CPT1A: variants seen among roughly 807,000 people sequenced by gnomAD.
CPT1A encodes carnitine O-palmitoyltransferase 1, liver isoform.
CPT1A carries 64 observed loss-of-function variants against 100.8 expected under a neutral mutation model. The observed-to-expected ratio is 0.63, with a 90% CI of 0.52 to 0.78. The LOEUF is 0.78. Ranked by LOEUF, CPT1A falls within the 30% of genes least tolerant of loss-of-function variation. The pLI, the probability that CPT1A is intolerant of heterozygous loss-of-function variation, is 0.00. For missense variants in CPT1A, 802 were observed against 1,034.1 expected, an observed-to-expected ratio of 0.78 and a Z score of 3.08; for synonymous variants, 363 against 396.0, an observed-to-expected ratio of 0.92 and a Z score of 0.99.
At chr11:68,782,972 G>A (rs1417162592) in intron 10 of CPT1A, among the ~76,000 whole-genome samples, 4 of 152,176 alleles carry the variant, frequency 2.6e-5, no homozygotes, top group Non-Finnish European at 5.9e-5. Context: ...CCGCGGCGCC[G>A]GCTCAGGCTC....
intron 12 of CPT1A, among the ~76,000 whole-genome samples, chr11:68,778,463 G>A (rs188165225): frequency 9.2e-5 from 14 of 152,250 alleles, no homozygotes; most frequent in South Asian, 4.2e-4. Flanking sequence ...AAGGCCAGGC[G>A]TGGTGGCTCA....
intron 4 of CPT1A, among the ~76,000 whole-genome samples, chr11:68,806,757 C>T (rs1340756663): frequency 2.0e-5 from 3 of 151,956 alleles, no homozygotes; most frequent in Non-Finnish European, 2.9e-5. Flanking sequence ...TGGTAAAACC[C>T]CGTCTCTACT....
chr11:68,795,908 CAA>C (rs976618899), intron 7 of CPT1A, among the ~76,000 whole-genome samples: 2 of 105,058 alleles, frequency 1.9e-5, no homozygotes, highest in Non-Finnish European at 1.9e-5. Context: ...GACTCTATCT[CAA>C]AAAAAAAAAG....
At chr11:68,794,935 G>C in intron 7 of CPT1A, 24 bp from the exon 8 acceptor site, 1 of 1,582,326 alleles carries the variant, frequency 6.3e-7, no homozygotes, top group Non-Finnish European at 8.7e-7. Context: ...AAGGTGGAGA[G>C]AATTTGCATA....
At chr11:68,814,890 T>C (rs1048124436) in intron 2 of CPT1A, among the ~76,000 whole-genome samples, 5 of 151,890 alleles carry the variant, frequency 3.3e-5, no homozygotes, top group Non-Finnish European at 5.9e-5. Flanking sequence ...TTTTGTCGTG[T>C]CACCCAGGCT....
intron 18 of CPT1A, 152 bp downstream of exon 18, chr11:68,759,417 T>G (rs1047227675): frequency 1.6e-6 from 1 of 632,596 alleles, no homozygotes; most frequent in African/African-American, 1.9e-5. Context: ...AATTTTTTTT[T>G]AAAAGCAGTC....
intron 14 of CPT1A, among the ~76,000 whole-genome samples, chr11:68,767,246 G>GT (rs1854834370): frequency 6.6e-6 from 1 of 152,242 alleles, no homozygotes; most frequent in African/African-American, 2.4e-5. Context: ...GCAGATCATT[G>GT]TAAGAAACAC....
upstream of CPT1A, among the ~76,000 whole-genome samples, chr11:68,843,460 G>A (rs1309936269): frequency 6.6e-6 from 1 of 152,024 alleles, no homozygotes; most frequent in Admixed American, 6.6e-5. The surrounding 1 kb of genome is among the most constrained non-coding windows in gnomAD (Gnocchi z 4.0). Flanking sequence ...GATCCCTGGA[G>A]GGGAAGCAAC....
intron 1 of CPT1A, among the ~76,000 whole-genome samples, chr11:68,828,375 T>A (rs1345428463): frequency 2.7e-5 from 4 of 150,284 alleles, no homozygotes; most frequent in African/African-American, 9.7e-5. Flanking sequence ...ATGGGCCACC[T>A]GTCCGCTACA....
At chr11:68,816,673 T>A (rs1215386592) in intron 1 of CPT1A, among the ~76,000 whole-genome samples, 1 of 152,012 alleles carries the variant, frequency 6.6e-6, no homozygotes, top group Non-Finnish European at 1.5e-5. Context: ...CCTCCCAAGC[T>A]GCCTGCCACA....
intron 6 of CPT1A, among the ~76,000 whole-genome samples, chr11:68,797,226 G>A (rs1158964057): frequency 6.6e-6 from 1 of 152,144 alleles, no homozygotes; most frequent in Non-Finnish European, 1.5e-5. Flanking sequence ...GATTGCTTGA[G>A]ACCAGGAGTT....
intron 1 of CPT1A, among the ~76,000 whole-genome samples, chr11:68,830,315 T>C (rs1414574128): frequency 6.6e-6 from 1 of 151,846 alleles, no homozygotes; most frequent in African/African-American, 2.4e-5. Context: ...GGTTGGGGGA[T>C]TGGGGGTGGA....
chr11:68,774,714 A>G (rs1339284720), intron 13 of CPT1A, among the ~76,000 whole-genome samples: 1 of 149,406 alleles, frequency 6.7e-6, no homozygotes, highest in East Asian at 2.1e-4. Flanking sequence ...CCTGGGAGGC[A>G]GAGGTTGCAG....
At chr11:68,805,415 C>T (rs1856014559) in intron 4 of CPT1A, among the ~76,000 whole-genome samples, 1 of 151,400 alleles carries the variant, frequency 6.6e-6, no homozygotes, top group Non-Finnish European at 1.5e-5. Flanking sequence ...TGCACCACTG[C>T]ACTCCAGCCT....
chr11:68,812,713 A>C, intron 2 of CPT1A, 137 bp from the exon 3 acceptor site: 1 of 938,650 alleles, frequency 1.1e-6, no homozygotes, highest in Non-Finnish European at 1.7e-6. Flanking sequence ...GTGCACTGAG[A>C]AACCACACCC....
chr11:68,819,286 G>A (rs1408709621), intron 1 of CPT1A, among the ~76,000 whole-genome samples: 2 of 152,042 alleles, frequency 1.3e-5, no homozygotes, highest in Non-Finnish European at 2.9e-5. Flanking sequence ...CACCATGTTG[G>A]CCAGGCTGTT....
chr11:68,778,552 C>T (rs563742635), intron 12 of CPT1A, among the ~76,000 whole-genome samples: 4 of 151,764 alleles, frequency 2.6e-5, no homozygotes, highest in East Asian at 2.0e-4. Context: ...AAAAATTATC[C>T]GGGCATGGTG....
At chr11:68,826,543 G>A (rs183017492) in intron 1 of CPT1A, among the ~76,000 whole-genome samples, 2 of 151,526 alleles carry the variant, frequency 1.3e-5, no homozygotes. Flanking sequence ...GACCATCGTC[G>A]CTAACACGGT....
chr11:68,822,879 G>A (rs1856622965), intron 1 of CPT1A, among the ~76,000 whole-genome samples: 1 of 152,172 alleles, frequency 6.6e-6, no homozygotes, highest in African/African-American at 2.4e-5. Context: ...TCTGGAACAA[G>A]CAAATCTACA....
Sources: allele counts gnomAD v4.1 joint callset (sites outside exome capture counted in the v4.1 genomes callset), GRCh38; gene constraint gnomAD v4.1.1; non-coding constraint Gnocchi (gnomAD v3.1); transcripts MANE v1.5; gene names NCBI Gene and HGNC (gene_info 2026-07-23, HGNC 2026-07-21).